Variants in FRMPD1 observed in about 807,000 individuals in gnomAD.
The protein encoded by FRMPD1 is FERM and PDZ domain containing 1.
In FRMPD1, 76 loss-of-function variants were observed where a neutral mutation model predicts 117.8. The ratio of observed to expected loss-of-function variants is 0.65; its 90% CI spans 0.54 to 0.78. The LOEUF (loss-of-function observed/expected upper bound fraction) is 0.78. Among genes scored for constraint, FRMPD1 ranks in the 30% least tolerant of loss-of-function variants. The pLI is 0.00. For missense variants in FRMPD1, 1,786 were observed against 1,964.5 expected, an observed-to-expected ratio of 0.91 and a Z score of 1.72; for synonymous variants, 783 against 770.4, an observed-to-expected ratio of 1.02 and a Z score of -0.27.
the FRMPD1 span, among the ~76,000 whole-genome samples, chr9:37,643,829 G>A: frequency 6.6e-6 from 1 of 152,180 alleles, no homozygotes; most frequent in African/African-American, 2.4e-5. Flanking sequence ...GGTGAACAAA[G>A]CTACCTGGCT....
chr9:37,612,001 C>A, the FRMPD1 span, among the ~76,000 whole-genome samples: 1 of 152,196 alleles, frequency 6.6e-6, no homozygotes, highest in Non-Finnish European at 1.5e-5. Flanking sequence ...CCTGAGCCCT[C>A]AGCTCAGTGG....
chr9:37,691,545 G>A (rs1285034514), intron 1 of FRMPD1, among the ~76,000 whole-genome samples: 1 of 152,174 alleles, frequency 6.6e-6, no homozygotes, highest in Non-Finnish European at 1.5e-5. Flanking sequence ...AAGGGATATG[G>A]GAACCCTATA....
rs74171518 is a variant in FRMPD1 at position 37,695,006 on chromosome 9, A to AATAGATAGATAG, written c.101+2296_101+2307dup. ...GGGTTGATATATAAAGCCAAATAAG[A>AATAGATAGATAG]ATAGATAGATAGATAGATAGATAGA... On this transcript the variant is annotated intron_variant, in intron 2 of 15. Transcript: ENST00000377765. Among the ~76,000 whole-genome samples, 1,072 of 150,916 alleles carry AATAGATAGATAG rather than the reference A, an allele frequency of 7.1e-3. 18 individuals are homozygous for AATAGATAGATAG. Among genetic ancestry groups the AATAGATAGATAG allele is most frequent in the African/African-American group, 0.021 (844 of 41,118 alleles).
chr9:37,698,676 C>T (rs1588938284), intron 2 of FRMPD1, among the ~76,000 whole-genome samples: 1 of 150,798 alleles, frequency 6.6e-6, no homozygotes, highest in East Asian at 2.0e-4. Flanking sequence ...ATTCTCCTGC[C>T]TCAGTCGCCC....
In FRMPD1 at chr9:37,720,532, G is replaced by A. The variant is rs534120462; in HGVS notation, c.516+1356G>A. ...TACAAAAAATTAGCCGGGCGTGGTG[G>A]TGGGCACCTGTATGTAGTCCCAGCT... On this transcript the variant is annotated intron_variant, in intron 6 of 15. Transcript: ENST00000377765. Among the ~76,000 whole-genome samples, 15 of 152,348 alleles carry A rather than the reference G, an allele frequency of 9.8e-5. No homozygotes were observed. The South Asian group carries it at 3.1e-3, about 32-fold the overall frequency.
At chr9:37,648,506 T>G (rs1820572800), upstream of FRMPD1, among the ~76,000 whole-genome samples, 1 of 151,910 alleles carries the variant, frequency 6.6e-6, no homozygotes, top group Admixed American at 6.6e-5. Flanking sequence ...TCACTGGCAG[T>G]ATGTGAAGGA....
the FRMPD1 span, among the ~76,000 whole-genome samples, chr9:37,610,663 C>T: frequency 6.7e-6 from 1 of 149,494 alleles, no homozygotes; most frequent in African/African-American, 2.5e-5. Flanking sequence ...GGCGCGATCT[C>T]GGCTCACTGC....
At chr9:37,696,051 C>CTTT (rs61521469) in intron 2 of FRMPD1, among the ~76,000 whole-genome samples, 9,306 of 77,856 alleles carry the variant, frequency 0.12, 912 homozygotes, top group Middle Eastern at 0.14. Context: ...CATTGTTTTG[C>CTTT]TTTTTTTTTT....
intron 1 of FRMPD1, chr9:37,668,697 T>C (rs1410000272): frequency 6.6e-6 from 1 of 152,194 alleles, no homozygotes; most frequent in Non-Finnish European, 1.5e-5. Context: ...CTTCTCCATA[T>C]CTTAAAAAAA....
chr9:37,616,117 C>CTTTTT, the FRMPD1 span, among the ~76,000 whole-genome samples: 2 of 96,768 alleles, frequency 2.1e-5, no homozygotes, highest in Non-Finnish European at 4.0e-5. Context: ...GTGCCCAGCC[C>CTTTTT]TTTTTTTTTT....
At chr9:37,714,900 G>A (rs754097346) in intron 5 of FRMPD1, among the ~76,000 whole-genome samples, 30 of 151,980 alleles carry the variant, frequency 2.0e-4, no homozygotes, top group African/African-American at 3.1e-4. Context: ...CGTCTGCCTC[G>A]GCCTCCCAAA....
chr9:37,660,659 C>A (rs1292492950), intron 1 of FRMPD1, among the ~76,000 whole-genome samples: 1 of 152,196 alleles, frequency 6.6e-6, no homozygotes, highest in Non-Finnish European at 1.5e-5. Context: ...ATCCCCACAT[C>A]AAAATATGAT....
intron 15 of FRMPD1, among the ~76,000 whole-genome samples, chr9:37,743,314 G>A (rs919436436): frequency 6.6e-6 from 1 of 152,104 alleles, no homozygotes; most frequent in Non-Finnish European, 1.5e-5. Context: ...TAACCTGCAC[G>A]GCAGCACTGA....
chr9:37,652,429 C>T (rs1023683432), intron 1 of FRMPD1, among the ~76,000 whole-genome samples: 10 of 152,198 alleles, frequency 6.6e-5, no homozygotes, highest in Non-Finnish European at 2.9e-5. Context: ...ATATCTTGTT[C>T]CCCTTGTGCT....
At position 37,735,742 on chromosome 9, in the gene FRMPD1, A is replaced by G. The variant is rs750011625; in HGVS notation, c.1401+8A>G. On this transcript the variant is annotated splice_region_variant and intron_variant, in intron 13 of 15. Coordinates refer to ENST00000377765, the MANE Select transcript of FRMPD1 (RefSeq NM_014907.3). ...TATCTTCAGGACGTCAAGGTAACAC[A>G]ATGGGGAGAGATTCTGAATTCAACT... 4.6e-5 allele frequency: 74 copies of G among 1,599,872 alleles called. 1 individual carries two copies. In the South Asian group the frequency reaches 7.7e-4, roughly 17 times the overall value.
chr9:37,659,716 T>C (rs1156421300), intron 1 of FRMPD1, among the ~76,000 whole-genome samples: 1 of 151,910 alleles, frequency 6.6e-6, no homozygotes, highest in Non-Finnish European at 1.5e-5. Context: ...CAGGAAATGC[T>C]CCTTGACAAC....
chr9:37,703,499 T>C (rs1246300623), intron 2 of FRMPD1, among the ~76,000 whole-genome samples: 2 of 152,206 alleles, frequency 1.3e-5, no homozygotes, highest in Admixed American at 6.5e-5. Flanking sequence ...CACTTCAGGA[T>C]TTTTTTAAAT....
At chr9:37,678,819 T>C (rs1821623212) in intron 1 of FRMPD1, among the ~76,000 whole-genome samples, 1 of 152,248 alleles carries the variant, frequency 6.6e-6, no homozygotes, top group Non-Finnish European at 1.5e-5. Flanking sequence ...CAAAACACTT[T>C]CCAGGAACCT....
At chr9:37,714,626 TTTTG>T (rs398010740) in intron 5 of FRMPD1, among the ~76,000 whole-genome samples, 1 of 9,534 alleles carries the variant, frequency 1.0e-4, no homozygotes, top group Non-Finnish European at 2.5e-4. Flanking sequence ...TTTTATTTTG[TTTTG>T]TTTTATTTTA....
Sources: gnomAD v4.1 joint callset for allele counts (sites outside exome capture counted in the v4.1 genomes callset) on GRCh38, gnomAD v4.1.1 for gene constraint, MANE v1.5 for transcripts, NCBI Gene and HGNC (gene_info 2026-07-23, HGNC 2026-07-21) for gene names.